The following PRSS12 variants were observed in gnomAD, a reference collection of about 807,000 sequenced individuals.
The protein encoded by PRSS12 is serine protease 12, also known as neurotrypsin.
Under a neutral mutation model 104.4 loss-of-function variants are expected in PRSS12, and 85 were observed. The observed-to-expected ratio is 0.81, with a 90% CI of 0.68 to 0.98. The LOEUF (loss-of-function observed/expected upper bound fraction) is 0.98. PRSS12 is among the 50% of genes least tolerant of loss of function. The probability of loss-of-function intolerance (pLI) is 0.00; values close to 1 mark genes in which losing one functional copy is unlikely to be tolerated. For missense variants in PRSS12, 1,141 were observed against 1,139.2 expected (o/e 1.00, Z -0.02); for synonymous variants, 454 against 425.2 (o/e 1.07, Z -0.83).
At chr4:118,295,189 CT>C in intron 10 of PRSS12, 128 bp from the exon 11 acceptor site, 1 of 1,203,376 alleles carries the variant, frequency 8.3e-7, no homozygotes, top group East Asian at 2.6e-5. Flanking sequence ...GCAAAAGGGA[CT>C]CCAGGATACA....
intron 7 of PRSS12, 31 bp from the exon 8 acceptor site, chr4:118,308,608 C>G (rs758069270): frequency 4.3e-6 from 7 of 1,611,630 alleles, no homozygotes; most frequent in Non-Finnish European, 5.1e-6. Flanking sequence ...ATTAGAACAG[C>G]CCAAACATGC....
At chr4:118,312,395 C>A (rs1743763415) in intron 7 of PRSS12, among the ~76,000 whole-genome samples, 1 of 152,052 alleles carries the variant, frequency 6.6e-6, no homozygotes, top group Non-Finnish European at 1.5e-5. Context: ...TACACATACA[C>A]ACAGATAGAT....
At chr4:118,287,556 A>T (rs1743042041) in intron 11 of PRSS12, among the ~76,000 whole-genome samples, 1 of 152,210 alleles carries the variant, frequency 6.6e-6, no homozygotes. Flanking sequence ...TTTTGTGCTT[A>T]GAATTTGAAG....
chr4:118,333,649 G>T (rs1723982828), intron 3 of PRSS12, among the ~76,000 whole-genome samples: 1 of 152,090 alleles, frequency 6.6e-6, no homozygotes, highest in African/African-American at 2.4e-5. Context: ...TTCCCCACCT[G>T]TTAAGCTTGG....
At chr4:118,326,191 T>G (rs1383847195) in intron 4 of PRSS12, among the ~76,000 whole-genome samples, 1 of 152,188 alleles carries the variant, frequency 6.6e-6, no homozygotes, top group Non-Finnish European at 1.5e-5. Context: ...TTAACTGCAA[T>G]TATCAGTTTG....
At chr4:118,332,471 A>C (rs1268994920) in intron 3 of PRSS12, among the ~76,000 whole-genome samples, 1 of 152,186 alleles carries the variant, frequency 6.6e-6, no homozygotes, top group South Asian at 2.1e-4. Flanking sequence ...ACCGTCTCAT[A>C]ATCTACAGCC....
intron 5 of PRSS12, among the ~76,000 whole-genome samples, chr4:118,317,827 T>G (rs1336428874): frequency 1.3e-5 from 2 of 152,212 alleles, no homozygotes; most frequent in African/African-American, 4.8e-5. Context: ...TTCCTTCTTC[T>G]TCTCCCTAAA....
In PRSS12 at chr4:118,294,978, CT is replaced by C. The variant is rs748610764; in HGVS notation, c.1999del (p.Ser667ValfsTer47). ...GRLLCGATLLSSCWVLTAAHC... is the reference protein window; with the variant it reads ...GRLLCGATLLXSCWVLTAAHC... Reference sequence around the variant, plus strand: ...TGCTGCTGTGAGGACCCAGCAGCTACTCAGGAGCGTAGCCCCGCAGAGGAGC... The same window carrying C: ...TGCTGCTGTGAGGACCCAGCAGCTACCAGGAGCGTAGCCCCGCAGAGGAGC... On this transcript the variant is annotated frameshift_variant, in exon 11 of 13. Transcript: ENST00000296498. LOFTEE classifies it high-confidence loss of function. 6 of 1,614,162 alleles carry C rather than the reference CT, an allele frequency of 3.7e-6. No individual in the cohort carries two copies. In the African/African-American group the frequency reaches 8.0e-5, roughly 22 times the overall value.
chr4:118,320,739 A>T (rs1273955639), intron 4 of PRSS12, among the ~76,000 whole-genome samples: 13 of 152,120 alleles, frequency 8.5e-5, no homozygotes, highest in Admixed American at 6.6e-5. Context: ...GGTGACACAG[A>T]GAAATCCTGT....
At position 118,313,201 on chromosome 4, in the gene PRSS12, C is replaced by G. The variant is rs142443981; in HGVS notation, c.1489G>C (p.Gly497Arg). The change falls in exon 7 of 13, where the codon GGT (glycine) becomes CGT (arginine). Residue 497 changes from glycine (G) to arginine (R), a missense_variant and splice_region_variant. Transcript: ENST00000296498. ...PGGEGHRLSL[G>R]FPVRLMDGEN... The stretch of plus-strand genomic sequence containing the variant: ...CTTGAGAGCTGCAGCCAGTCCTCAC[C>G]CAGAGAGAGCCTGTGTCCCTCGCCG... The G allele has an allele frequency of 1.2e-6, 2 of 1,612,568 alleles. No homozygotes were observed. The highest frequency in any genetic ancestry group is 1.7e-6 in the Non-Finnish European group (2 of 1,179,818).
intron 3 of PRSS12, among the ~76,000 whole-genome samples, chr4:118,334,837 T>A (rs1039848023): frequency 3.3e-5 from 5 of 152,292 alleles, no homozygotes; most frequent in Admixed American, 2.6e-4. Flanking sequence ...GTTGTGATCA[T>A]TCATTAAAAT....
intron 8 of PRSS12, among the ~76,000 whole-genome samples, chr4:118,307,293 G>A (rs1231176606): frequency 6.6e-6 from 1 of 152,074 alleles, no homozygotes; most frequent in Non-Finnish European, 1.5e-5. Context: ...AAGTAGTATC[G>A]AGTAACCAGA....
At chr4:118,347,377 CCTCTAT>C (rs1354133914) in intron 1 of PRSS12, among the ~76,000 whole-genome samples, 2 of 152,158 alleles carry the variant, frequency 1.3e-5, no homozygotes, top group Non-Finnish European at 2.9e-5. Flanking sequence ...GTCCACATGT[CCTCTAT>C]CTCTATTTCA....
At chr4:118,323,524 G>A (rs972116825) in intron 4 of PRSS12, among the ~76,000 whole-genome samples, 6 of 151,178 alleles carry the variant, frequency 4.0e-5, no homozygotes, top group African/African-American at 1.5e-4. Flanking sequence ...GAGAGGAGGA[G>A]GGAGGGAGGG....
In PRSS12 at chr4:118,295,695, T is replaced by A. The variant is rs190496942; in HGVS notation, c.1916+83A>T. 205 of 1,278,526 alleles carry A rather than the reference T, an allele frequency of 1.6e-4. No homozygotes were observed. The East Asian group carries it at 4.7e-3, about 29-fold the overall frequency. The allele number at this position is 1,278,526 out of a possible 1,614,324, so 79.2% of individuals were successfully genotyped here. A position where few individuals can be genotyped will look rare whatever the true frequency, so the allele number is the denominator to read the frequency against. On this transcript the variant is annotated intron_variant, in intron 10 of 12. Coordinates refer to ENST00000296498, the MANE Select transcript of PRSS12 (RefSeq NM_003619.4). ...ATAAAATGAGTACAAGTCCCTTATA[T>A]AACAGAACATCCCCAGTTTGTAACA... is the stretch of plus-strand genomic sequence containing the variant.
Position 118,352,552 on chromosome 4 carries a change from G to C in PRSS12, c.169C>G (p.Arg57Gly), listed in dbSNP as rs763084649. 6.6e-7 allele frequency: 1 copy of C among 1,523,018 alleles called. No individual in the cohort carries two copies. The highest frequency in any genetic ancestry group is 8.8e-7 in the Non-Finnish European group (1 of 1,132,946). 94.3% of individuals were successfully genotyped at this position (1,523,018 alleles called of 1,614,324 possible). ...LPTQQRPPRTRPPPPLPRFPR... is the reference protein window; with the variant it reads ...LPTQQRPPRTGPPPPLPRFPR... ...AAGCGCGGGAGAGGCGGCGGCGGACGCGTCCTCGGGGGCCGCTGCTGGGTG... is the reference window on the plus strand; with the variant it reads ...AAGCGCGGGAGAGGCGGCGGCGGACCCGTCCTCGGGGGCCGCTGCTGGGTG... The change falls in exon 1 of 13, where the codon CGT (arginine) becomes GGT (glycine). Residue 57 changes from arginine to glycine, a missense_variant. Arg to Gly is a moderately radical substitution (Grantham distance 125). Transcript: ENST00000296498.
chr4:118,330,320 A>C (rs1331134816), intron 4 of PRSS12, among the ~76,000 whole-genome samples: 4 of 152,194 alleles, frequency 2.6e-5, no homozygotes, highest in Non-Finnish European at 5.9e-5. Context: ...TCCAGACAAA[A>C]TGTTTGCTTT....
chr4:118,346,521 T>C (rs1165130133), intron 1 of PRSS12, among the ~76,000 whole-genome samples: 1 of 151,692 alleles, frequency 6.6e-6, no homozygotes, highest in Non-Finnish European at 1.5e-5. Flanking sequence ...ATCCATCAAA[T>C]GCAGGTACCT....
intron 2 of PRSS12, among the ~76,000 whole-genome samples, chr4:118,335,976 G>A (rs747735473): frequency 3.3e-5 from 5 of 152,128 alleles, no homozygotes; most frequent in African/African-American, 9.7e-5. Flanking sequence ...GGTGTGTCAC[G>A]AGCTTCAGTG....
Sources: allele counts gnomAD v4.1 joint callset (sites outside exome capture counted in the v4.1 genomes callset), GRCh38; gene constraint gnomAD v4.1.1; transcripts MANE v1.5; gene names NCBI Gene and HGNC (gene_info 2026-07-23, HGNC 2026-07-21).